The following PPP4R4 variants were observed in gnomAD, a reference collection of about 807,000 sequenced individuals.
PPP4R4 encodes the protein protein phosphatase 4 regulatory subunit 4.
A neutral mutation model predicts 121.8 loss-of-function variants in PPP4R4; 70 were observed. The ratio of observed to expected loss-of-function variants is 0.57; its 90% CI spans 0.47 to 0.70. PPP4R4 has a LOEUF of 0.70. Ranked by LOEUF, PPP4R4 falls within the 30% of genes least tolerant of loss-of-function variation. The pLI is 0.00. For synonymous variants in PPP4R4, 348 were observed against 355.7 expected (o/e 0.98, Z 0.24); for missense variants, 875 against 1,033.6 (o/e 0.85, Z 2.10).
chr14:94,227,186 T>C, intron 3 of PPP4R4: 2 of 906,316 alleles, frequency 2.2e-6, no homozygotes, highest in South Asian at 2.0e-5. Context: ...GGAATTCAAG[T>C]TGGGATGCCA....
chr14:94,266,129 TATC>T (rs1454526194), intron 22 of PPP4R4, among the ~76,000 whole-genome samples: 5 of 152,136 alleles, frequency 3.3e-5, no homozygotes, highest in African/African-American at 1.2e-4. Context: ...TATTTAATAA[TATC>T]ATAGAATCCA....
chr14:94,207,840 T>C (rs978956620), intron 2 of PPP4R4, among the ~76,000 whole-genome samples: 14 of 151,854 alleles, frequency 9.2e-5, no homozygotes, highest in African/African-American at 3.4e-4. Flanking sequence ...TCAAGGTATT[T>C]AGGCCACTAG....
intron 2 of PPP4R4, among the ~76,000 whole-genome samples, chr14:94,199,098 T>C (rs1890031280): frequency 6.6e-6 from 1 of 152,258 alleles, no homozygotes; most frequent in South Asian, 2.1e-4. Flanking sequence ...ATATTGAATC[T>C]GTCTTCAATT....
intron 2 of PPP4R4, among the ~76,000 whole-genome samples, chr14:94,194,935 T>G (rs541238262): frequency 1.3e-5 from 2 of 152,332 alleles, no homozygotes; most frequent in East Asian, 3.9e-4. Flanking sequence ...CACAAACTCC[T>G]TATACTTTTC....
chr14:94,252,485 G>A (rs1417339401), intron 16 of PPP4R4, among the ~76,000 whole-genome samples: 1 of 152,036 alleles, frequency 6.6e-6, no homozygotes, highest in African/African-American at 2.4e-5. Context: ...CTCCAAAAGA[G>A]CACATCACTT....
intron 23 of PPP4R4, among the ~76,000 whole-genome samples, chr14:94,273,719 T>G (rs1264069777): frequency 6.6e-6 from 1 of 151,952 alleles, no homozygotes; most frequent in Admixed American, 6.6e-5. Context: ...ATATGGGAGA[T>G]CTCTGTACCT....
intron 8 of PPP4R4, 60 bp downstream of exon 8, chr14:94,237,746 C>T (rs2139557182): frequency 6.4e-7 from 1 of 1,551,080 alleles, no homozygotes; most frequent in South Asian, 1.2e-5. Flanking sequence ...TGTTTTATGT[C>T]ACTAATAAGG....
chr14:94,213,988 C>G (rs1412960635), intron 3 of PPP4R4, among the ~76,000 whole-genome samples: 1 of 152,158 alleles, frequency 6.6e-6, no homozygotes, highest in Non-Finnish European at 1.5e-5. Context: ...CCTTTGTGAC[C>G]TCATCATCTG....
chr14:94,249,909 T>C (rs1003790072), intron 14 of PPP4R4, among the ~76,000 whole-genome samples: 2 of 151,974 alleles, frequency 1.3e-5, no homozygotes, highest in African/African-American at 4.8e-5. Context: ...TCATGTAAGA[T>C]GAGATGGCAA....
Position 94,245,602 on chromosome 14 carries a change from A to G in PPP4R4, c.1360A>G (p.Ile454Val), listed in dbSNP as rs757535001. 8 of 1,584,684 alleles carry G rather than the reference A, an allele frequency of 5.0e-6. No homozygotes were observed. The highest frequency in any genetic ancestry group is 3.4e-5 in the Admixed American group (2 of 59,432). ...CTGTTAAAAGGTACTAGATGCTCTT[A>G]TAGATCATCTTCCAGAAATCTTGGA... ...DESLEVLDALIDHLPEILELM... is the reference protein window; with the variant it reads ...DESLEVLDALVDHLPEILELM... The change falls in exon 13 of 25, where the codon ATA becomes GTA. Residue 454 changes from isoleucine (I) to valine (V), a missense_variant. Ile to Val is a conservative substitution (Grantham distance 29, BLOSUM62 3). Transcript: ENST00000304338.
At position 94,246,532 on chromosome 14, in the gene PPP4R4, T is replaced by C. The variant is rs1473857716; in HGVS notation, c.1604T>C (p.Met535Thr). ...TTACAAAGAATGTTCACAATCATGA[T>C]GACAAATGTGAGCTCAGTACCTTTC... ...RFLQRMFTIM[M>T]TNNVLPVQKA... The change falls in exon 14 of 25, where the codon ATG becomes ACG. Residue 535 changes from methionine (M) to threonine (T), a missense_variant. Physicochemically the swap from Met to Thr is moderately conservative, Grantham distance 81. Coordinates refer to ENST00000304338, the MANE Select transcript of PPP4R4 (RefSeq NM_058237.2). 1.2e-6 allele frequency: 2 copies of C among 1,611,238 alleles called. No individual in the cohort carries two copies.
intron 24 of PPP4R4, among the ~76,000 whole-genome samples, chr14:94,277,165 G>T (rs1446551588): frequency 6.6e-6 from 1 of 152,164 alleles, no homozygotes; most frequent in Non-Finnish European, 1.5e-5. Flanking sequence ...GCTAGCTGTG[G>T]TGGCATGTGC....
intron 24 of PPP4R4, among the ~76,000 whole-genome samples, chr14:94,276,388 T>G (rs1894640444): frequency 6.6e-6 from 1 of 152,212 alleles, no homozygotes; most frequent in Non-Finnish European, 1.5e-5. Flanking sequence ...TACCTGGGCC[T>G]GGGTAATTTA....
intron 2 of PPP4R4, among the ~76,000 whole-genome samples, chr14:94,205,783 T>C (rs573312118): frequency 2.9e-4 from 44 of 151,912 alleles, no homozygotes; most frequent in Non-Finnish European, 4.7e-4. Context: ...TTTCCAAGAG[T>C]TGGGAGATTT....
chr14:94,218,670 A>C, intron 3 of PPP4R4, among the ~76,000 whole-genome samples: 1 of 110,428 alleles, frequency 9.1e-6, no homozygotes, highest in African/African-American at 3.5e-5. Flanking sequence ...GCGCACACAC[A>C]CACACTCACC....
intron 2 of PPP4R4, among the ~76,000 whole-genome samples, chr14:94,206,308 A>G (rs774605372): frequency 6.6e-6 from 1 of 151,876 alleles, no homozygotes; most frequent in Non-Finnish European, 1.5e-5. Flanking sequence ...TCACATTTCT[A>G]TGATACATTA....
chr14:94,259,043 C>A (rs188564998), intron 18 of PPP4R4, among the ~76,000 whole-genome samples: 145 of 152,244 alleles, frequency 9.5e-4, no homozygotes, highest in African/African-American at 3.3e-3. Context: ...AGGGAAACTC[C>A]CCCTTACAAT....
At chr14:94,230,973 T>G (rs1390023504) in intron 4 of PPP4R4, among the ~76,000 whole-genome samples, 2 of 152,284 alleles carry the variant, frequency 1.3e-5, no homozygotes, top group Admixed American at 1.3e-4. Context: ...TCTTGTTACT[T>G]TTTTTCCTTT....
chr14:94,252,098 C>T (rs1181853106), intron 16 of PPP4R4, among the ~76,000 whole-genome samples: 1 of 152,114 alleles, frequency 6.6e-6, no homozygotes, highest in Non-Finnish European at 1.5e-5. Context: ...GATCTTTTGT[C>T]TTTACTGGGT....
Sources: allele counts gnomAD v4.1 joint callset (sites outside exome capture counted in the v4.1 genomes callset), GRCh38; gene constraint gnomAD v4.1.1; transcripts MANE v1.5; gene names NCBI Gene and HGNC (gene_info 2026-07-23, HGNC 2026-07-21).